The following RBMS3 variants were observed in gnomAD, a reference collection of about 807,000 sequenced individuals.
RBMS3 encodes RNA binding motif single stranded interacting protein 3.
Under a neutral mutation model 66.8 loss-of-function variants are expected in RBMS3, and 27 were observed. That is an observed-to-expected ratio of 0.40 (90% confidence interval 0.30 to 0.56). RBMS3 has a LOEUF of 0.56. RBMS3 is among the 20% of genes least tolerant of loss of function. The probability of loss-of-function intolerance (pLI) is 0.40; values close to 1 mark genes in which losing one functional copy is unlikely to be tolerated. For missense variants in RBMS3, 513 were observed against 549.5 expected, an observed-to-expected ratio of 0.93 and a Z score of 0.66; for synonymous variants, 188 against 183.0, an observed-to-expected ratio of 1.03 and a Z score of -0.22.
intron 3 of RBMS3, among the ~76,000 whole-genome samples, chr3:29,580,147 G>A (rs1038669310): frequency 2.6e-5 from 4 of 152,138 alleles, no homozygotes; most frequent in African/African-American, 4.8e-5. Context: ...TATTCTGCTA[G>A]GAAATACCAT....
At chr3:29,979,287 T>C (rs1361571271) in intron 12 of RBMS3, among the ~76,000 whole-genome samples, 2 of 152,140 alleles carry the variant, frequency 1.3e-5, no homozygotes, top group East Asian at 1.9e-4. Flanking sequence ...TGAAGAGAAG[T>C]TGATTGTGAA....
At chr3:29,778,716 T>A (rs572940469) in intron 6 of RBMS3, among the ~76,000 whole-genome samples, 25 of 151,994 alleles carry the variant, frequency 1.6e-4, no homozygotes, top group African/African-American at 5.8e-4. Context: ...GTTCCTCAAT[T>A]TCCCCTTTGG....
In RBMS3 at chr3:30,009,394, G is replaced by T. The variant is rs148973897; in HGVS notation, c.*5532G>T. On this transcript the variant is annotated 3_prime_UTR_variant, in exon 15 of 15. Coordinates refer to ENST00000383767, the MANE Select transcript of RBMS3 (RefSeq NM_001003793.3). The stretch of plus-strand genomic sequence containing the variant: ...TTTCTTAAGGGGGTTTGAAATCATT[G>T]GTAAAATTAATATCAGTACATTATA... 6.6e-6 allele frequency: 1 copy of T among 151,864 alleles called. No homozygotes were observed. Among genetic ancestry groups the T allele is most frequent in the East Asian group, 1.9e-4 (1 of 5,176 alleles). 9.4% of individuals were successfully genotyped at this position (151,864 alleles called of 1,614,324 possible).
intron 6 of RBMS3, among the ~76,000 whole-genome samples, chr3:29,868,466 T>C (rs1434342713): frequency 1.3e-5 from 2 of 152,168 alleles, no homozygotes; most frequent in Admixed American, 6.5e-5. Flanking sequence ...CTTTCCAAAA[T>C]TGAATCCTTC....
chr3:29,545,702 T>TTTTTG (rs1457452458), intron 3 of RBMS3, among the ~76,000 whole-genome samples: 2 of 152,218 alleles, frequency 1.3e-5, no homozygotes, highest in African/African-American at 2.4e-5. Context: ...TCTTGTCTTT[T>TTTTTG]TTTTGTTTTG....
chr3:29,607,723 T>C (rs974048941), intron 4 of RBMS3, among the ~76,000 whole-genome samples: 1 of 152,016 alleles, frequency 6.6e-6, no homozygotes, highest in African/African-American at 2.4e-5. Flanking sequence ...AGAAAATTCA[T>C]GTCTTGCTCT....
intron 6 of RBMS3, among the ~76,000 whole-genome samples, chr3:29,855,048 G>C (rs1236474472): frequency 6.6e-6 from 1 of 152,054 alleles, no homozygotes; most frequent in African/African-American, 2.4e-5. Context: ...GTCTTTCCAT[G>C]GTTCATAAAA....
At position 29,533,450 on chromosome 3, in the gene RBMS3, C is replaced by T. The variant is rs919747748; in HGVS notation, c.307+44951C>T. On this transcript the variant is annotated intron_variant, in intron 3 of 14. Coordinates refer to ENST00000383767, the MANE Select transcript of RBMS3 (RefSeq NM_001003793.3). ...TGAGCTGTGATCATGCTATTGCACT[C>T]CAGCCTGGGTGACACAGTGAGGCCC... Among the ~76,000 whole-genome samples the T allele has an allele frequency of 7.9e-5, 12 of 152,246 alleles. No individual in the cohort carries two copies. The East Asian group carries it at 2.3e-3, about 29-fold the overall frequency.
At chr3:29,948,406 A>G (rs1465182801) in intron 12 of RBMS3, among the ~76,000 whole-genome samples, 1 of 151,804 alleles carries the variant, frequency 6.6e-6, no homozygotes, top group Non-Finnish European at 1.5e-5. Context: ...GCTGCATCTT[A>G]GGTGAGAATT....
At chr3:29,657,483 T>C (rs193046273) in intron 4 of RBMS3, among the ~76,000 whole-genome samples, 95 of 152,360 alleles carry the variant, frequency 6.2e-4, no homozygotes, top group Admixed American at 1.2e-3. Context: ...AAAATGTTTA[T>C]TGTCAGTAAG....
chr3:29,852,693 A>G (rs1191248470), intron 6 of RBMS3, among the ~76,000 whole-genome samples: 4 of 152,224 alleles, frequency 2.6e-5, no homozygotes. Context: ...AGAAAAGGGA[A>G]CACATAAACT....
intron 1 of RBMS3, among the ~76,000 whole-genome samples, chr3:29,424,324 C>G (rs969392932): frequency 3.3e-5 from 5 of 152,140 alleles, no homozygotes; most frequent in Admixed American, 2.0e-4. Context: ...ACTAACATCC[C>G]CCTCTTTTGC....
chr3:29,807,831 G>A (rs1317901642), intron 6 of RBMS3, among the ~76,000 whole-genome samples: 1 of 151,444 alleles, frequency 6.6e-6, no homozygotes, highest in Non-Finnish European at 1.5e-5. Context: ...CTATATTTGG[G>A]CAATGGAAAA....
At chr3:29,652,594 A>T (rs1353593903) in intron 4 of RBMS3, among the ~76,000 whole-genome samples, 2 of 152,112 alleles carry the variant, frequency 1.3e-5, no homozygotes, top group East Asian at 1.9e-4. Flanking sequence ...GACAAAATTA[A>T]AATTTCCCAA....
chr3:29,410,393 G>A (rs1399609269), intron 1 of RBMS3, among the ~76,000 whole-genome samples: 4 of 152,138 alleles, frequency 2.6e-5, no homozygotes, highest in African/African-American at 9.7e-5. Context: ...ACACACCTGT[G>A]TCACTGACAG....
chr3:29,721,156 T>C (rs2053627185), intron 4 of RBMS3, among the ~76,000 whole-genome samples: 2 of 152,180 alleles, frequency 1.3e-5, no homozygotes, highest in African/African-American at 4.8e-5. Flanking sequence ...ATTGTTTTGG[T>C]TATACAAGTT....
At chr3:29,417,851 G>A (rs559035936) in intron 1 of RBMS3, among the ~76,000 whole-genome samples, 18 of 152,116 alleles carry the variant, frequency 1.2e-4, no homozygotes, top group Non-Finnish European at 2.2e-4. Context: ...CTACTGACAA[G>A]GAAAGGAATT....
rs140782848 is a variant in RBMS3 at position 29,416,788 on chromosome 3, A to G, written c.76-17955A>G. On this transcript the variant is annotated intron_variant, in intron 1 of 14. Transcript: ENST00000383767. ...AGGAATGTGGTCTCTGGTGCCCAAC[A>G]CTGGAAGGATGTGGGAAGTAGAAGA... is the stretch of plus-strand genomic sequence containing the variant. Among the ~76,000 whole-genome samples the G allele has an allele frequency of 5.8e-4, 88 of 152,254 alleles. No individual in the cohort carries two copies. In the Middle Eastern group the frequency reaches 0.01, roughly 18 times the overall value.
At chr3:29,887,740 CA>C (rs1054064958) in intron 8 of RBMS3, among the ~76,000 whole-genome samples, 1 of 151,312 alleles carries the variant, frequency 6.6e-6, no homozygotes, top group African/African-American at 2.4e-5. Context: ...CTCATTAAGA[CA>C]AAAAAAGATC....
Sources: allele counts gnomAD v4.1 joint callset (sites outside exome capture counted in the v4.1 genomes callset), GRCh38; gene constraint gnomAD v4.1.1; transcripts MANE v1.5; gene names NCBI Gene and HGNC (gene_info 2026-07-23, HGNC 2026-07-21).